Variants in IL1RAPL2 observed in about 807,000 individuals in gnomAD.
IL1RAPL2 encodes interleukin 1 receptor accessory protein like 2.
A neutral mutation model predicts 44.1 loss-of-function variants in IL1RAPL2; 3 were observed. That is an observed-to-expected ratio of 0.07 (90% CI 0.03 to 0.18). The LOEUF (loss-of-function observed/expected upper bound fraction) is 0.18, where lower values mean the gene tolerates loss of function less well. Among genes scored for constraint, IL1RAPL2 ranks in the 10% least tolerant of loss-of-function variants. The pLI, the probability that IL1RAPL2 is intolerant of heterozygous loss-of-function variation, is 1.00. For synonymous variants in IL1RAPL2, 181 were observed against 178.8 expected, an observed-to-expected ratio of 1.01 and a Z score of -0.10; for missense variants, 391 against 496.4, an observed-to-expected ratio of 0.79 and a Z score of 2.02.
intron 2 of IL1RAPL2, among the ~76,000 whole-genome samples, chrX:104,690,517 G>A (rs1220154965): frequency 1.8e-5 from 2 of 112,342 alleles, no homozygotes; most frequent in African/African-American, 6.5e-5. Context: ...GCCTCAAGTG[G>A]TAATGCATAG....
intron 5 of IL1RAPL2, among the ~76,000 whole-genome samples, chrX:105,417,456 G>C (rs1474519730): frequency 8.8e-6 from 1 of 113,009 alleles, no homozygotes; most frequent in Admixed American, 9.3e-5. Context: ...CTGGGCAACA[G>C]AACGAGCCTT....
chrX:104,737,598 G>A (rs1932034822), intron 2 of IL1RAPL2, among the ~76,000 whole-genome samples: 1 of 111,965 alleles, frequency 8.9e-6, no homozygotes. Context: ...TAGAAGGGAT[G>A]AATAGATGAC....
intron 5 of IL1RAPL2, among the ~76,000 whole-genome samples, chrX:105,291,993 T>A (rs893204958): frequency 2.7e-5 from 3 of 111,109 alleles, no homozygotes; most frequent in African/African-American, 6.5e-5. Context: ...GGGACTTGAA[T>A]ATGTGTGGAT....
intron 2 of IL1RAPL2, among the ~76,000 whole-genome samples, chrX:105,172,896 G>A (rs183943153): frequency 1.1e-4 from 12 of 111,543 alleles, no homozygotes; most frequent in Admixed American, 1.9e-4. Context: ...GGAACACCAA[G>A]CTCCAAAGAC....
intron 2 of IL1RAPL2, among the ~76,000 whole-genome samples, chrX:105,130,512 C>A (rs2147577266): frequency 9.0e-6 from 1 of 111,379 alleles, no homozygotes; most frequent in African/African-American, 3.2e-5. Context: ...TTCTGCATTT[C>A]TAACAAGCTT....
chrX:104,665,558 C>G (rs2148026053), intron 2 of IL1RAPL2, among the ~76,000 whole-genome samples: 1 of 110,542 alleles, frequency 9.0e-6, no homozygotes, highest in African/African-American at 3.3e-5. Flanking sequence ...TTTATAGATT[C>G]TTCCAGATAG....
At chrX:105,679,910 A>ACTT (rs776645791) in intron 6 of IL1RAPL2, among the ~76,000 whole-genome samples, 3 of 111,930 alleles carry the variant, frequency 2.7e-5, no homozygotes, top group Admixed American at 1.9e-4. Context: ...CTCAGATTGG[A>ACTT]CTTTTAAAAG....
chrX:104,775,890 G>T (rs2147599803), intron 2 of IL1RAPL2, among the ~76,000 whole-genome samples: 1 of 110,290 alleles, frequency 9.1e-6, no homozygotes, highest in South Asian at 4.0e-4. Flanking sequence ...GGTAAGTGGG[G>T]TGGGAAGGCA....
intron 2 of IL1RAPL2, among the ~76,000 whole-genome samples, chrX:105,116,474 A>T (rs1377814970): frequency 9.0e-6 from 1 of 110,651 alleles, no homozygotes; most frequent in African/African-American, 3.3e-5. Context: ...TGTGTCCTGC[A>T]TTTTTTTTTC....
At chrX:105,152,795 T>C in intron 2 of IL1RAPL2, among the ~76,000 whole-genome samples, 1 of 112,144 alleles carries the variant, frequency 8.9e-6, no homozygotes, top group African/African-American at 3.2e-5. Flanking sequence ...AATGTGCTTC[T>C]TATAAAAGGA....
At chrX:104,993,185 CA>C (rs749376630) in intron 2 of IL1RAPL2, among the ~76,000 whole-genome samples, 2 of 111,340 alleles carry the variant, frequency 1.8e-5, no homozygotes, top group Non-Finnish European at 3.8e-5. Flanking sequence ...TTAGTAATTA[CA>C]AAACCATAAA....
intron 3 of IL1RAPL2, among the ~76,000 whole-genome samples, chrX:105,203,182 A>C (rs927374625): frequency 2.7e-5 from 3 of 112,269 alleles, no homozygotes; most frequent in African/African-American, 9.7e-5. Flanking sequence ...AAGTCACTTC[A>C]TGTGTACACC....
intron 2 of IL1RAPL2, among the ~76,000 whole-genome samples, chrX:104,918,200 G>A (rs185864776): frequency 9.0e-6 from 1 of 111,569 alleles, no homozygotes; most frequent in East Asian, 2.8e-4. Flanking sequence ...TTTCTGGTTG[G>A]TAACCTTAGG....
intron 2 of IL1RAPL2, among the ~76,000 whole-genome samples, chrX:104,689,489 C>G (rs147111974): frequency 6.0e-4 from 67 of 111,195 alleles, no homozygotes; most frequent in African/African-American, 2.1e-3. Context: ...AGAGCTGCCC[C>G]TAGGTCAGTG....
chrX:104,656,701 C>T (rs1461597336), intron 1 of IL1RAPL2, among the ~76,000 whole-genome samples: 4 of 111,552 alleles, frequency 3.6e-5, no homozygotes, highest in African/African-American at 1.3e-4. Context: ...CCACTTGGTG[C>T]AGAGCTGAGT....
intron 2 of IL1RAPL2, among the ~76,000 whole-genome samples, chrX:105,137,779 A>C (rs1275665808): frequency 8.9e-6 from 1 of 112,056 alleles, no homozygotes; most frequent in Non-Finnish European, 1.9e-5. Flanking sequence ...TCAAAATATA[A>C]TCTAGGCCAG....
At chrX:104,804,883 A>T (rs967369910) in intron 2 of IL1RAPL2, among the ~76,000 whole-genome samples, 1 of 112,506 alleles carries the variant, frequency 8.9e-6, no homozygotes, top group African/African-American at 3.2e-5. Flanking sequence ...CTGAAAAATT[A>T]GGTAACACAG....
chrX:105,644,654 A>C (rs2147840583), intron 6 of IL1RAPL2, among the ~76,000 whole-genome samples: 1 of 110,513 alleles, frequency 9.0e-6, no homozygotes, highest in African/African-American at 3.3e-5. Flanking sequence ...CATGTGCAGA[A>C]CGCGCAGGTT....
chrX:105,273,309 C>T (rs2034461679), intron 5 of IL1RAPL2, among the ~76,000 whole-genome samples: 3 of 110,922 alleles, frequency 2.7e-5, no homozygotes, highest in Non-Finnish European at 5.7e-5. Flanking sequence ...TTTTCCTGCC[C>T]TCCTGTCTCT....
Sources: gnomAD v4.1 joint callset for allele counts (sites outside exome capture counted in the v4.1 genomes callset) on GRCh38, gnomAD v4.1.1 for gene constraint, MANE v1.5 for transcripts, NCBI Gene and HGNC (gene_info 2026-07-23, HGNC 2026-07-21) for gene names.